The following G3BP1 variants were observed in gnomAD, a reference collection of about 807,000 sequenced individuals.
G3BP1 encodes the protein G3BP stress granule assembly factor 1, also known as ras GTPase-activating protein-binding protein 1.
Under a neutral mutation model 58.6 loss-of-function variants are expected in G3BP1, and 35 were observed. The ratio of observed to expected loss-of-function variants is 0.60; its 90% CI spans 0.46 to 0.79. G3BP1 has a LOEUF of 0.79. Among genes scored for constraint, G3BP1 ranks in the 30% least tolerant of loss-of-function variants. The probability of loss-of-function intolerance (pLI) is 0.00; values close to 1 mark genes in which losing one functional copy is unlikely to be tolerated. For synonymous variants in G3BP1, 191 were observed against 195.4 expected, an observed-to-expected ratio of 0.98 and a Z score of 0.19; for missense variants, 523 against 580.8, an observed-to-expected ratio of 0.90 and a Z score of 1.02.
chr5:151,795,566 CAGTTG>C lies in G3BP1; in HGVS notation c.531_535del (p.Val178GlnfsTer2). 1 of 1,577,630 alleles carries C rather than the reference CAGTTG, an allele frequency of 6.3e-7. No individual in the cohort carries two copies. Among genetic ancestry groups the C allele is most frequent in the Non-Finnish European group, 8.7e-7 (1 of 1,147,618 alleles). ...GATTCTGGAACTTTCTATGATCAGG[CAGTTG>C]TCAGGTAAGAAGATTTTGTTCACAT... On this transcript the variant is annotated frameshift_variant, in exon 6 of 12. Transcript: ENST00000356245. LOFTEE classifies it high-confidence loss of function.
chr5:151,786,446 T>G, intron 1 of G3BP1, 126 bp from the exon 2 acceptor site: 1 of 582,914 alleles, frequency 1.7e-6, no homozygotes. Flanking sequence ...TCTCAACTGG[T>G]CTGTATGGGC....
At chr5:151,796,027 GTTTTTTC>G (rs1762743365) in intron 6 of G3BP1, among the ~76,000 whole-genome samples, 1 of 152,058 alleles carries the variant, frequency 6.6e-6, no homozygotes, top group Non-Finnish European at 1.5e-5. Flanking sequence ...ATACCTTTGG[GTTTTTTC>G]CCCCTTGTGA....
chr5:151,774,845 C>T (rs975577337), intron 1 of G3BP1, among the ~76,000 whole-genome samples: 4 of 152,266 alleles, frequency 2.6e-5, no homozygotes, highest in African/African-American at 7.2e-5. Flanking sequence ...TTAGATTCAG[C>T]AACTATTATC....
In G3BP1 at chr5:151,805,652, C is replaced by G. The variant is rs1356923721; in HGVS notation, c.*1561C>G. On this transcript the variant is annotated 3_prime_UTR_variant, in exon 12 of 12. Coordinates refer to ENST00000356245, the MANE Select transcript of G3BP1 (RefSeq NM_005754.3). ...TGGTATTACCAGTTTGGTTCCAGTT[C>G]CTCAAATATTTGAAAATTGGCAGCA... 6.6e-6 allele frequency: 1 copy of G among 152,180 alleles called. No homozygotes were observed. Among genetic ancestry groups the G allele is most frequent in the East Asian group, 1.9e-4 (1 of 5,198 alleles). 9.4% of individuals were successfully genotyped at this position (152,180 alleles called of 1,614,324 possible).
chr5:151,776,773 G>A (rs1408871651), intron 1 of G3BP1, among the ~76,000 whole-genome samples: 2 of 150,702 alleles, frequency 1.3e-5, no homozygotes, highest in East Asian at 1.9e-4. Flanking sequence ...ATAAAATATC[G>A]TCCAGGCTGT....
At chr5:151,799,815 A>G in intron 8 of G3BP1, 74 bp from the exon 9 acceptor site, 1 of 823,644 alleles carries the variant, frequency 1.2e-6, no homozygotes, top group Non-Finnish European at 2.0e-6. Context: ...AAAACTTGTT[A>G]GCTAAGAAAC....
At chr5:151,788,570 A>G (rs912859331) in intron 2 of G3BP1, among the ~76,000 whole-genome samples, 27 of 93,188 alleles carry the variant, frequency 2.9e-4, no homozygotes, top group East Asian at 1.3e-3. Flanking sequence ...AGCTAAGTTT[A>G]TATGTGTGTG....
chr5:151,801,826 T>TA (rs1194823333), intron 11 of G3BP1, among the ~76,000 whole-genome samples: 7 of 151,956 alleles, frequency 4.6e-5, no homozygotes, highest in African/African-American at 1.7e-4. Flanking sequence ...TTTATTTTTT[T>TA]TTTTTTGAGA....
chr5:151,781,993 AT>A (rs199969733), intron 1 of G3BP1, among the ~76,000 whole-genome samples: 79 of 147,394 alleles, frequency 5.4e-4, no homozygotes, highest in Admixed American at 6.8e-4. Context: ...AATGCTTGGG[AT>A]TTTTTTTTTT....
chr5:151,809,159 G>C lies in G3BP1; in HGVS notation c.*5068G>C, dbSNP rs1051507907. On this transcript the variant is annotated 3_prime_UTR_variant, in exon 12 of 12. Transcript: ENST00000356245. ...CCACTGCACTCTAACCTGGGTGACA[G>C]AGTGAGACCCTGTCTCTAAAAAACA... The C allele has an allele frequency of 6.6e-6, 1 of 152,214 alleles. No homozygotes were observed. Among genetic ancestry groups the C allele is most frequent in the African/African-American group, 2.4e-5 (1 of 41,456 alleles). 9.4% of individuals were successfully genotyped at this position (152,214 alleles called of 1,614,324 possible).
At position 151,800,866 on chromosome 5, in the gene G3BP1, C is replaced by A; in HGVS notation, c.1191C>A (p.Asn397Lys). 2.8e-6 allele frequency: 4 copies of A among 1,431,440 alleles called. No individual in the cohort carries two copies. Among genetic ancestry groups the A allele is most frequent in the Non-Finnish European group, 2.9e-6 (3 of 1,025,492 alleles). 88.7% of individuals were successfully genotyped at this position (1,431,440 alleles called of 1,614,324 possible). The change falls in exon 11 of 12, where the codon AAC (asparagine) becomes AAA (lysine). Residue 397 changes from asparagine to lysine, a missense_variant. Physicochemically the swap from Asn to Lys is moderately conservative, Grantham distance 94. This residue lies in a region of G3BP1 where 125 missense variants were observed against 181.7 expected (regional missense o/e 0.69). Coordinates refer to ENST00000356245, the MANE Select transcript of G3BP1 (RefSeq NM_005754.3). The stretch of plus-strand genomic sequence containing the variant: ...AGCCTGTTCAGAAAGTCCTTAGCAA[C>A]AGGGTAAGCAGCTTTTTGTCTTGAT... ...DSEPVQKVLS[N>K]RPIMFRGEVR...
chr5:151,786,924 C>T (rs1292007284), intron 2 of G3BP1: 15 of 332,916 alleles, frequency 4.5e-5, no homozygotes, highest in African/African-American at 8.5e-5. Context: ...CTGACTGCAA[C>T]GTCCACCTCC....
intron 2 of G3BP1, 74 bp from the exon 3 acceptor site, chr5:151,790,246 AGTT>A: frequency 1.5e-6 from 1 of 688,768 alleles, no homozygotes. Flanking sequence ...AAAAAAAAAA[AGTT>A]TGCCAGTATC....
At chr5:151,781,200 A>G (rs1211903859) in intron 1 of G3BP1, among the ~76,000 whole-genome samples, 1 of 152,236 alleles carries the variant, frequency 6.6e-6, no homozygotes, top group Non-Finnish European at 1.5e-5. Context: ...ACAGAGTTAA[A>G]ATTTATCAAA....
chr5:151,803,910 G>A lies in G3BP1; in HGVS notation c.1220G>A (p.Arg407His), dbSNP rs758494444. ...CCCATCATGTTCAGAGGTGAGGTCCGTCTGAATGTCGAAGAGAAGAAGACT... is the reference window on the plus strand; with the variant it reads ...CCCATCATGTTCAGAGGTGAGGTCCATCTGAATGTCGAAGAGAAGAAGACT... ...NRPIMFRGEV[R>H]LNVEEKKTRA... Residue 407 changes from arginine to histidine, a missense_variant, in exon 12 of 12, where the codon CGT becomes CAT. Transcript: ENST00000356245. 12 of 1,613,196 alleles carry A rather than the reference G, an allele frequency of 7.4e-6. No homozygotes were observed. The highest frequency in any genetic ancestry group is 2.2e-5 in the East Asian group (1 of 44,886).
chr5:151,805,153 T>G lies in G3BP1; in HGVS notation c.*1062T>G, dbSNP rs550099086. On this transcript the variant is annotated 3_prime_UTR_variant, in exon 12 of 12. Coordinates refer to ENST00000356245, the MANE Select transcript of G3BP1 (RefSeq NM_005754.3). ...TTATTCTGGTATCTAATCAGATTCCTAATCATAGCCCGTAAGAAGGAATGT... is the reference window on the plus strand; with the variant it reads ...TTATTCTGGTATCTAATCAGATTCCGAATCATAGCCCGTAAGAAGGAATGT... 6.5e-6 allele frequency: 1 copy of G among 152,772 alleles called. No homozygotes were observed. Among genetic ancestry groups the G allele is most frequent in the South Asian group, 2.1e-4 (1 of 4,832 alleles). 9.5% of individuals were successfully genotyped at this position (152,772 alleles called of 1,614,324 possible).
chr5:151,784,549 C>T lies in G3BP1; in HGVS notation c.-49-2023C>T, dbSNP rs76613097. On this transcript the variant is annotated intron_variant, in intron 1 of 11. Coordinates refer to ENST00000356245, the MANE Select transcript of G3BP1 (RefSeq NM_005754.3). ...TAAAACGTTGGGTAAGAAATGGTCT[C>T]TGCTCTTAAAAAACTTAATATTTGG... is the stretch of plus-strand genomic sequence containing the variant. 6.5e-3 allele frequency among the ~76,000 whole-genome samples: 997 copies of T among 152,240 alleles called. 11 individuals carry two copies. Among genetic ancestry groups the T allele is most frequent in the African/African-American group, 0.022 (930 of 41,546 alleles).
intron 2 of G3BP1, among the ~76,000 whole-genome samples, chr5:151,788,903 G>A (rs978574569): frequency 6.6e-5 from 10 of 151,602 alleles, no homozygotes; most frequent in South Asian, 2.1e-4. Flanking sequence ...TTAGTCTCCC[G>A]AGTAGCTAGG....
At chr5:151,780,585 A>G (rs1212268740) in intron 1 of G3BP1, among the ~76,000 whole-genome samples, 1 of 152,016 alleles carries the variant, frequency 6.6e-6, no homozygotes, top group Non-Finnish European at 1.5e-5. Context: ...ATCTTGGCTC[A>G]TTGCAAGAGC....
Sources: allele counts gnomAD v4.1 joint callset (sites outside exome capture counted in the v4.1 genomes callset), GRCh38; gene constraint gnomAD v4.1.1; regional missense constraint gnomAD v4.1.1; transcripts MANE v1.5; gene names NCBI Gene and HGNC (gene_info 2026-07-23, HGNC 2026-07-21).